The following ZCWPW1 variants were observed in gnomAD, a reference collection of about 807,000 sequenced individuals.
The protein encoded by ZCWPW1 is zinc finger CW-type PWWP domain protein 1.
ZCWPW1 carries 56 observed loss-of-function variants against 81.3 expected under a neutral mutation model. That is an observed-to-expected ratio of 0.69 (90% CI 0.56 to 0.86). The LOEUF is 0.86. ZCWPW1 is among the 40% of genes least tolerant of loss of function. The probability of loss-of-function intolerance (pLI) is 0.00; values close to 1 mark genes in which losing one functional copy is unlikely to be tolerated. For missense variants in ZCWPW1, 650 were observed against 769.8 expected (o/e 0.84, Z 1.84); for synonymous variants, 250 against 273.7 (o/e 0.91, Z 0.86).
At chr7:100,414,587 T>C (rs1414541370) in intron 8 of ZCWPW1, among the ~76,000 whole-genome samples, 1 of 152,092 alleles carries the variant, frequency 6.6e-6, no homozygotes, top group Non-Finnish European at 1.5e-5. Flanking sequence ...GCTAATTTTT[T>C]TTTTTCTTGT....
At chr7:100,412,628 C>T (rs1794414536) in intron 8 of ZCWPW1, among the ~76,000 whole-genome samples, 1 of 152,058 alleles carries the variant, frequency 6.6e-6, no homozygotes, top group South Asian at 2.1e-4. Flanking sequence ...GTCGCCCAGG[C>T]TGGAGTGCAG....
At chr7:100,421,192 G>T (rs1006922115) in intron 2 of ZCWPW1, among the ~76,000 whole-genome samples, 2 of 152,160 alleles carry the variant, frequency 1.3e-5, no homozygotes, top group Non-Finnish European at 2.9e-5. Context: ...AATCCTTAGT[G>T]TTTTATGTGC....
chr7:100,423,539 G>C (rs933601988), intron 2 of ZCWPW1, among the ~76,000 whole-genome samples: 12 of 152,236 alleles, frequency 7.9e-5, no homozygotes, highest in Non-Finnish European at 1.8e-4. Flanking sequence ...ATACCCTTCA[G>C]CATTTTTCTC....
intron 15 of ZCWPW1, 99 bp downstream of exon 15, chr7:100,403,595 G>T: frequency 9.6e-7 from 1 of 1,045,392 alleles, no homozygotes; most frequent in African/African-American, 1.6e-5. Context: ...AGGCTGAGGT[G>T]GGAGGATTGC....
intron 3 of ZCWPW1, 34 bp downstream of exon 3, chr7:100,420,588 T>C (rs760953992): frequency 1.2e-6 from 2 of 1,613,700 alleles, no homozygotes; most frequent in South Asian, 1.1e-5. Context: ...ATGAGAGAAA[T>C]GTATGAAGCG....
rs371357743 is a variant in ZCWPW1, at chr7:100,417,138, G to C, written c.407C>G (p.Pro136Arg). The C allele has an allele frequency of 1.9e-6, 3 of 1,613,820 alleles. No homozygotes were observed. The African/African-American group carries it at 4.0e-5, about 22-fold the overall frequency. Residue 136 changes from proline to arginine, a missense_variant, in exon 6 of 18, where the codon CCC (proline) becomes CGC (arginine). Transcript: ENST00000684423. ...CTTGTCTGATTGGGTAGATACTACG[G>C]GCTGGGCACAAGAAGTCTCTGCAAA... ...LDFAETSCAQ[P>R]VVSTQSDKEP... is the part of the protein sequence containing the mutation.
intron 8 of ZCWPW1, among the ~76,000 whole-genome samples, chr7:100,415,480 G>A (rs894613472): frequency 1.3e-5 from 2 of 151,936 alleles, no homozygotes; most frequent in African/African-American, 4.8e-5. Flanking sequence ...TGCCATTCAC[G>A]CTTATCAACT....
chr7:100,417,090 G>T lies in ZCWPW1; in HGVS notation c.455C>A (p.Ala152Asp), dbSNP rs1411810673. 6.2e-7 allele frequency: 1 copy of T among 1,613,854 alleles called. No homozygotes were observed. Among genetic ancestry groups the T allele is most frequent in the Non-Finnish European group, 8.5e-7 (1 of 1,179,936 alleles). Residue 152 changes from alanine to aspartate, a missense_variant, in exon 6 of 18, where the codon GCT becomes GAT. By Grantham distance (126) the Ala-to-Asp change is moderately radical. Coordinates refer to ENST00000684423, the MANE Select transcript of ZCWPW1 (RefSeq NM_001386010.1). ...CCCATTAGCATTATCAGTATCAGTA[G>T]CAGAAGCAGTAATTCCTGGCTCCTT... is the stretch of plus-strand genomic sequence containing the variant. ...SDKEPGITAS[A>D]TDTDNANGEE... is the part of the protein sequence containing the mutation.
chr7:100,420,638 C>T lies in ZCWPW1; in HGVS notation c.12G>A (p.Thr4=), dbSNP rs375053044. 10 of 1,613,948 alleles carry T rather than the reference C, an allele frequency of 6.2e-6. No homozygotes were observed. Among genetic ancestry groups the T allele is most frequent in the South Asian group, 5.5e-5 (5 of 91,084 alleles). ...TTGACTCACCTTCTTTATTCTGCAACGTTGTCATCATTCAGCTTAGAAACT... is the reference window on the plus strand; with the variant it reads ...TTGACTCACCTTCTTTATTCTGCAATGTTGTCATCATTCAGCTTAGAAACT... MMT[T]LQNKEECGKG... Residue 4 remains threonine, a synonymous_variant, in exon 3 of 18, where the codon ACG becomes ACA. Coordinates refer to ENST00000684423, the MANE Select transcript of ZCWPW1 (RefSeq NM_001386010.1).
In ZCWPW1 at chr7:100,419,662, G is replaced by T. The variant is rs1329365223; in HGVS notation, c.250C>A (p.Gln84Lys). The T allele has an allele frequency of 1.9e-6, 3 of 1,612,434 alleles. No homozygotes were observed. In the African/African-American group the frequency reaches 4.0e-5, roughly 22 times the overall value. Residue 84 changes from glutamine (Q) to lysine (K), a missense_variant, in exon 4 of 18, where the codon CAA becomes AAA. Transcript: ENST00000684423. ...SREQEKKRKA[Q>K]INKQAEKKEK... Reference sequence around the variant, plus strand: ...TTCTTCTCTGCTTGCTTGTTGATTTGTGCCTTTCTTTTTTTCTCCTGTTCC... The same window carrying T: ...TTCTTCTCTGCTTGCTTGTTGATTTTTGCCTTTCTTTTTTTCTCCTGTTCC...
intron 2 of ZCWPW1, among the ~76,000 whole-genome samples, chr7:100,422,261 A>T (rs1796492560): frequency 6.6e-6 from 1 of 152,220 alleles, no homozygotes; most frequent in Non-Finnish European, 1.5e-5. Flanking sequence ...ACATCCTAAC[A>T]GTCTAATTCA....
chr7:100,419,520 G>C, intron 4 of ZCWPW1, 110 bp downstream of exon 4: 1 of 1,495,852 alleles, frequency 6.7e-7, no homozygotes, highest in Non-Finnish European at 8.9e-7. Flanking sequence ...ATACAAACCT[G>C]AAACTCTAGG....
intron 2 of ZCWPW1, among the ~76,000 whole-genome samples, chr7:100,423,985 G>A (rs1472284008): frequency 1.3e-5 from 2 of 150,930 alleles, no homozygotes; most frequent in African/African-American, 4.9e-5. Context: ...CAGGAGAATC[G>A]CTTGCACCCA....
intron 12 of ZCWPW1, 122 bp downstream of exon 12, chr7:100,406,572 T>G: frequency 2.2e-6 from 2 of 914,266 alleles, no homozygotes; most frequent in Admixed American, 2.2e-5. Context: ...ACCTCACCCT[T>G]GGCACACCTG....
chr7:100,426,707 TTC>T (rs1441949483), intron 1 of ZCWPW1, among the ~76,000 whole-genome samples: 1 of 132,978 alleles, frequency 7.5e-6, no homozygotes, highest in African/African-American at 2.9e-5. Flanking sequence ...TCTTCCCTCC[TTC>T]TGTCTCCCTT....
intron 3 of ZCWPW1, among the ~76,000 whole-genome samples, chr7:100,420,239 T>A (rs1584282307): frequency 6.6e-6 from 1 of 152,258 alleles, no homozygotes; most frequent in South Asian, 2.1e-4. Flanking sequence ...TTATGGAAAA[T>A]TAGAGCAAAT....
At chr7:100,407,581 T>TG in intron 10 of ZCWPW1, among the ~76,000 whole-genome samples, 1 of 152,150 alleles carries the variant, frequency 6.6e-6, no homozygotes, top group East Asian at 1.9e-4. Context: ...TTTGCAGAGA[T>TG]GGGGTCTCAC....
intron 8 of ZCWPW1, among the ~76,000 whole-genome samples, chr7:100,410,203 T>G (rs1016866847): frequency 2.6e-5 from 4 of 152,144 alleles, no homozygotes; most frequent in Non-Finnish European, 5.9e-5. Flanking sequence ...CCTCAGCCTC[T>G]CCTCTCTCCC....
chr7:100,417,206 G>T, intron 5 of ZCWPW1, 23 bp from the exon 6 acceptor site: 1 of 1,584,376 alleles, frequency 6.3e-7, no homozygotes, highest in Non-Finnish European at 8.6e-7. Context: ...AATACTATAA[G>T]CAGAGAAGCA....
Sources: allele counts gnomAD v4.1 joint callset (sites outside exome capture counted in the v4.1 genomes callset), GRCh38; gene constraint gnomAD v4.1.1; transcripts MANE v1.5; gene names NCBI Gene and HGNC (gene_info 2026-07-23, HGNC 2026-07-21).